The following LSAMP variants were observed in gnomAD, a reference collection of about 807,000 sequenced individuals.
LSAMP encodes the protein limbic system-associated membrane protein.
A neutral mutation model predicts 38.6 loss-of-function variants in LSAMP; 7 were observed. The observed-to-expected ratio is 0.18, with a 90% CI of 0.10 to 0.34. LSAMP has a LOEUF of 0.34. Ranked by LOEUF, LSAMP falls within the 10% of genes least tolerant of loss-of-function variation. LSAMP has a pLI of 1.00. For missense variants in LSAMP, 313 were observed against 420.0 expected (o/e 0.75, Z 2.23); for synonymous variants, 154 against 166.8 (o/e 0.92, Z 0.59).
chr3:115,894,127 CCATA>C (rs1936671104), intron 3 of LSAMP, among the ~76,000 whole-genome samples: 1 of 152,002 alleles, frequency 6.6e-6, no homozygotes. Flanking sequence ...ATTCCATCAA[CCATA>C]CTGCAAGAAT....
At chr3:116,208,314 C>G (rs1451662775) in intron 1 of LSAMP, among the ~76,000 whole-genome samples, 1 of 149,122 alleles carries the variant, frequency 6.7e-6, no homozygotes, top group East Asian at 2.0e-4. Flanking sequence ...AAATTTTTTT[C>G]AAAGTTTTAA....
chr3:115,886,958 TTTAA>T (rs1936469277), intron 3 of LSAMP, among the ~76,000 whole-genome samples: 2 of 152,050 alleles, frequency 1.3e-5, no homozygotes, highest in Middle Eastern at 3.4e-3. Context: ...CATGCTCAAC[TTTAA>T]TTATTTTTTA....
chr3:116,393,811 G>A, intron 1 of LSAMP, among the ~76,000 whole-genome samples: 1 of 152,210 alleles, frequency 6.6e-6, no homozygotes, highest in East Asian at 1.9e-4. Flanking sequence ...ATAATGTTGT[G>A]ATGAACTGGG....
chr3:115,903,084 C>T (rs1936919771), intron 3 of LSAMP, among the ~76,000 whole-genome samples: 1 of 152,110 alleles, frequency 6.6e-6, no homozygotes, highest in Non-Finnish European at 1.5e-5. Flanking sequence ...ATGGAGTCAA[C>T]CTAAATGCCT....
At chr3:115,859,836 G>A (rs1487394339) in intron 3 of LSAMP, among the ~76,000 whole-genome samples, 2 of 152,208 alleles carry the variant, frequency 1.3e-5, no homozygotes, top group Non-Finnish European at 2.9e-5. Flanking sequence ...TGCCATGCAT[G>A]CATCCTTTTT....
rs557197201 is a variant in LSAMP at position 115,901,870 on chromosome 3, A to T, written c.515-49253T>A. Among the ~76,000 whole-genome samples the T allele has an allele frequency of 6.4e-4, 98 of 152,246 alleles. 2 individuals are homozygous for T. The South Asian group carries it at 0.02, about 31-fold the overall frequency. Reference sequence around the variant, plus strand: ...ACATATGGGTTGTTTACAAAAATTGACCACATTCAGAAATAAAAAAGCAAA... The same window carrying T: ...ACATATGGGTTGTTTACAAAAATTGTCCACATTCAGAAATAAAAAAGCAAA... On this transcript the variant is annotated intron_variant, in intron 3 of 6. Coordinates refer to ENST00000490035, the MANE Select transcript of LSAMP (RefSeq NM_002338.5).
intron 3 of LSAMP, among the ~76,000 whole-genome samples, chr3:115,990,607 T>C (rs1356803492): frequency 6.6e-6 from 1 of 152,066 alleles, no homozygotes; most frequent in Non-Finnish European, 1.5e-5. Flanking sequence ...TGGTTCTAAG[T>C]GGCTGGTGAA....
At chr3:116,054,617 A>G (rs980536431) in intron 2 of LSAMP, among the ~76,000 whole-genome samples, 5 of 152,246 alleles carry the variant, frequency 3.3e-5, no homozygotes, top group African/African-American at 1.2e-4. Flanking sequence ...AAGCCATTTT[A>G]TATTACTTAT....
intron 1 of LSAMP, among the ~76,000 whole-genome samples, chr3:116,092,928 A>G (rs1708155402): frequency 6.6e-6 from 1 of 152,240 alleles, no homozygotes; most frequent in African/African-American, 2.4e-5. Flanking sequence ...CTGTTAAAAA[A>G]CATACCAACT....
At chr3:115,975,951 G>A (rs1367213037) in intron 3 of LSAMP, among the ~76,000 whole-genome samples, 1 of 152,134 alleles carries the variant, frequency 6.6e-6, no homozygotes, top group Non-Finnish European at 1.5e-5. Context: ...AGTCACTACA[G>A]GTTGAAACCT....
chr3:116,357,028 C>T (rs1472562152), intron 1 of LSAMP, among the ~76,000 whole-genome samples: 1 of 152,114 alleles, frequency 6.6e-6, no homozygotes, highest in Non-Finnish European at 1.5e-5. Context: ...CTCCTGACCT[C>T]GTGATCCACC....
intron 1 of LSAMP, among the ~76,000 whole-genome samples, chr3:116,379,981 A>G (rs12492517): frequency 0.5 from 75,838 of 151,812 alleles, 22,571 homozygotes; most frequent in East Asian, 0.78. Flanking sequence ...AAAATTCTAT[A>G]CCCTCAGACT....
chr3:116,437,352 A>G (rs1186844687), intron 1 of LSAMP, among the ~76,000 whole-genome samples: 1 of 152,100 alleles, frequency 6.6e-6, no homozygotes, highest in East Asian at 1.9e-4. Context: ...TCACCACTAA[A>G]GAAGTTACTC....
At chr3:116,356,898 A>G (rs2048232191) in intron 1 of LSAMP, among the ~76,000 whole-genome samples, 3 of 152,032 alleles carry the variant, frequency 2.0e-5, no homozygotes, top group South Asian at 4.1e-4. Flanking sequence ...GGTTCACGCC[A>G]TTCTCCTGCC....
chr3:115,847,486 T>C (rs1274912839), intron 4 of LSAMP, among the ~76,000 whole-genome samples: 3 of 152,172 alleles, frequency 2.0e-5, no homozygotes, highest in African/African-American at 7.2e-5. Context: ...CCTTCCAATT[T>C]GGTTGGTGAT....
chr3:115,941,888 T>C (rs1937933951), intron 3 of LSAMP, among the ~76,000 whole-genome samples: 1 of 152,022 alleles, frequency 6.6e-6, no homozygotes, highest in Non-Finnish European at 1.5e-5. Flanking sequence ...TTGGTGGTGA[T>C]AGATATGTTA....
At chr3:116,014,360 T>C (rs1940417691) in intron 3 of LSAMP, among the ~76,000 whole-genome samples, 1 of 152,182 alleles carries the variant, frequency 6.6e-6, no homozygotes, top group Admixed American at 6.6e-5. Flanking sequence ...AGGTCAAGAT[T>C]AATCTGAGTA....
intron 1 of LSAMP, among the ~76,000 whole-genome samples, chr3:116,367,330 C>G (rs2048367585): frequency 6.6e-6 from 1 of 152,098 alleles, no homozygotes; most frequent in African/African-American, 2.4e-5. Flanking sequence ...AAGCCATCCA[C>G]TACTAAGGCA....
At chr3:115,923,632 T>A (rs1937432969) in intron 3 of LSAMP, among the ~76,000 whole-genome samples, 1 of 152,208 alleles carries the variant, frequency 6.6e-6, no homozygotes, top group African/African-American at 2.4e-5. Context: ...ATTGGCTAAT[T>A]ACTATTATCA....
Sources: allele counts gnomAD v4.1 joint callset (sites outside exome capture counted in the v4.1 genomes callset), GRCh38; gene constraint gnomAD v4.1.1; transcripts MANE v1.5; gene names NCBI Gene and HGNC (gene_info 2026-07-23, HGNC 2026-07-21).